Variants in IFT74 observed in about 807,000 individuals in gnomAD.
The protein encoded by IFT74 is intraflagellar transport 74, also known as intraflagellar transport protein 74 homolog.
A neutral mutation model predicts 96.7 loss-of-function variants in IFT74; 92 were observed. That is an observed-to-expected ratio of 0.95 (90% CI 0.80 to 1.13). The LOEUF is 1.13. Among genes scored for constraint, IFT74 ranks in the 50% most tolerant of loss-of-function variants. IFT74 has a pLI of 0.00. For missense variants in IFT74, 811 were observed against 698.2 expected (o/e 1.16, Z -1.82); for synonymous variants, 223 against 213.2 (o/e 1.05, Z -0.40).
chr9:27,026,427 A>G (rs941771128), intron 12 of IFT74, among the ~76,000 whole-genome samples: 10 of 152,202 alleles, frequency 6.6e-5, no homozygotes, highest in Non-Finnish European at 1.5e-4. Flanking sequence ...CGGGTCAGAA[A>G]GTCAACAAAG....
intron 2 of IFT74, among the ~76,000 whole-genome samples, chr9:26,965,544 C>G (rs1223543500): frequency 6.6e-6 from 1 of 151,790 alleles, no homozygotes; most frequent in Non-Finnish European, 1.5e-5. Context: ...TTCTTTTATT[C>G]CAGTAAAAAT....
Position 27,055,615 on chromosome 9 carries a change from A to G in IFT74, c.1340A>G (p.Gln447Arg). 1 of 1,574,428 alleles carries G rather than the reference A, an allele frequency of 6.4e-7. No individual in the cohort carries two copies. The highest frequency in any genetic ancestry group is 2.3e-5 in the East Asian group (1 of 42,614). ...STAQNLTSDI[Q>R]RLQLDLQKME... is the part of the protein sequence containing the mutation. ...TTAAATTCTTATGTTTCAGACATTC[A>G]ACGTCTGCAGTTGGATCTGCAGAAA... Residue 447 changes from glutamine to arginine, a missense_variant, in exon 17 of 20, where the codon CAA (glutamine) becomes CGA (arginine). By Grantham distance (43) the Gln-to-Arg change is conservative. Transcript: ENST00000380062.
At chr9:26,997,870 A>G in intron 8 of IFT74, 1 of 1,614,192 alleles carries the variant, frequency 6.2e-7, no homozygotes, top group South Asian at 1.1e-5. Context: ...TGCCTTGCAG[A>G]TTCAGAAGTT....
At chr9:26,959,209 C>T (rs1189637729) in intron 1 of IFT74, among the ~76,000 whole-genome samples, 1 of 152,094 alleles carries the variant, frequency 6.6e-6, no homozygotes, top group African/African-American at 2.4e-5. Flanking sequence ...TCCGGGTTCA[C>T]GCCATTCTCC....
chr9:27,013,938 G>C (rs992071766), intron 10 of IFT74, among the ~76,000 whole-genome samples: 1 of 152,200 alleles, frequency 6.6e-6, no homozygotes, highest in African/African-American at 2.4e-5. Flanking sequence ...GTAGTTGGCT[G>C]GGCGTGGTGG....
At chr9:26,993,667 A>G (rs913421979) in intron 8 of IFT74, 2 of 152,186 alleles carry the variant, frequency 1.3e-5, no homozygotes, top group African/African-American at 4.8e-5. Context: ...AAACTTTATT[A>G]TATACATAAA....
At chr9:27,013,930 A>G (rs1829226184) in intron 10 of IFT74, among the ~76,000 whole-genome samples, 1 of 152,070 alleles carries the variant, frequency 6.6e-6, no homozygotes, top group Non-Finnish European at 1.5e-5. Context: ...ATAGTAAGGT[A>G]GTTGGCTGGG....
intron 10 of IFT74, among the ~76,000 whole-genome samples, chr9:27,013,240 G>A (rs571462320): frequency 1.1e-4 from 16 of 152,080 alleles, no homozygotes; most frequent in South Asian, 8.3e-4. Context: ...CCCTAACATT[G>A]TATCTACAGT....
intron 8 of IFT74, chr9:26,996,623 G>A: frequency 1.8e-6 from 1 of 568,758 alleles, no homozygotes; most frequent in Non-Finnish European, 2.7e-6. Context: ...AGAAATTCCT[G>A]TTGTATTTGT....
At chr9:27,040,695 C>G (rs1819440132) in intron 13 of IFT74, among the ~76,000 whole-genome samples, 1 of 152,000 alleles carries the variant, frequency 6.6e-6, no homozygotes, top group Non-Finnish European at 1.5e-5. Context: ...TTCTGTTGAC[C>G]TTTCAACTCC....
intron 16 of IFT74, 109 bp from the exon 17 acceptor site, chr9:27,055,500 C>T: frequency 1.4e-6 from 1 of 730,156 alleles, no homozygotes; most frequent in Non-Finnish European, 2.1e-6. Flanking sequence ...ACATATATTT[C>T]TTTTACAGAT....
rs760997513 is a variant in IFT74 at position 26,980,617 on chromosome 9, T to A, written c.303T>A (p.Leu101=). The change falls in exon 4 of 20, where the codon CTT becomes CTA. Residue 101 remains leucine, a splice_region_variant and synonymous_variant. Coordinates refer to ENST00000380062, the MANE Select transcript of IFT74 (RefSeq NM_025103.4). ...ACAAATCTTACTATCTTGGGCTTCT[T>A]AGGTATGTTAAACATATCTTTTCAT... ...ILDKSYYLGL[L]RSKISELTTE... is the part of the protein sequence containing the mutation. The A allele has an allele frequency of 1.9e-4, 306 of 1,587,608 alleles. 1 individual carries two copies. The South Asian group carries it at 2.5e-3, about 13-fold the overall frequency.
chr9:27,055,774 T>G lies in IFT74; in HGVS notation c.1497+2T>G. 2.0e-6 allele frequency: 3 copies of G among 1,508,544 alleles called. No individual in the cohort carries two copies. The highest frequency in any genetic ancestry group is 2.7e-6 in the Non-Finnish European group (3 of 1,130,720). The allele number at this position is 1,508,544 out of a possible 1,614,324, so 93.4% of individuals were successfully genotyped here. On this transcript the variant is annotated splice_donor_variant, in intron 17 of 19. Coordinates refer to ENST00000380062, the MANE Select transcript of IFT74 (RefSeq NM_025103.4). LOFTEE classifies it high-confidence loss of function. ...TCATCAGGTGAAGAAAAGATAAAGG[T>G]AAATGTTAACCAAGTCTTACAGAAT... is the stretch of plus-strand genomic sequence containing the variant.
chr9:26,958,827 G>A (rs1240357222), intron 1 of IFT74, among the ~76,000 whole-genome samples: 1 of 152,000 alleles, frequency 6.6e-6, no homozygotes, highest in Non-Finnish European at 1.5e-5. Flanking sequence ...GGGCCCAAGG[G>A]GAGTTTAGAG....
intron 8 of IFT74, among the ~76,000 whole-genome samples, chr9:26,991,595 A>G (rs1827874231): frequency 6.6e-6 from 1 of 152,030 alleles, no homozygotes; most frequent in Admixed American, 6.6e-5. Context: ...TCCTTTTACA[A>G]GGAAAATTTT....
At chr9:27,052,146 C>T (rs1301257087) in intron 16 of IFT74, among the ~76,000 whole-genome samples, 1 of 152,062 alleles carries the variant, frequency 6.6e-6, no homozygotes, top group Non-Finnish European at 1.5e-5. Context: ...TACCAGGAAA[C>T]AAATTCAATA....
intron 9 of IFT74, among the ~76,000 whole-genome samples, chr9:27,009,467 A>G (rs1424765963): frequency 3.9e-5 from 6 of 152,348 alleles, no homozygotes; most frequent in South Asian, 2.1e-4. Flanking sequence ...ATACTTGTCT[A>G]TAAATATTTG....
intron 1 of IFT74, among the ~76,000 whole-genome samples, chr9:26,948,445 A>ATTTTTTTTTTTTTTTTTTTTTT (rs1554662864): frequency 2.1e-5 from 1 of 47,312 alleles, no homozygotes; most frequent in Non-Finnish European, 4.9e-5. Flanking sequence ...ATGGCTTTCC[A>ATTTTTTTTTTTTTTTTTTTTTT]TTATTTTTTT....
chr9:27,059,091 A>G (rs1177200669), intron 18 of IFT74, among the ~76,000 whole-genome samples: 1 of 151,926 alleles, frequency 6.6e-6, no homozygotes, highest in Admixed American at 6.5e-5. Context: ...TCTTAGAGCC[A>G]GTGAGTGGTT....
Sources: allele counts gnomAD v4.1 joint callset (sites outside exome capture counted in the v4.1 genomes callset), GRCh38; gene constraint gnomAD v4.1.1; transcripts MANE v1.5; gene names NCBI Gene and HGNC (gene_info 2026-07-23, HGNC 2026-07-21).